Variants in CTNNA2 observed in about 807,000 individuals in gnomAD.
CTNNA2 encodes the protein catenin alpha 2, also known as catenin alpha-2.
A neutral mutation model predicts 101.0 loss-of-function variants in CTNNA2; 42 were observed. The ratio of observed to expected loss-of-function variants is 0.42; its 90% CI spans 0.32 to 0.54. The LOEUF is 0.54. CTNNA2 is among the 20% of genes least tolerant of loss of function. The pLI is 0.14. For synonymous variants in CTNNA2, 450 were observed against 456.4 expected, an observed-to-expected ratio of 0.99 and a Z score of 0.18; for missense variants, 871 against 1,223.1, an observed-to-expected ratio of 0.71 and a Z score of 4.29.
intron 6 of CTNNA2, among the ~76,000 whole-genome samples, chr2:79,897,081 T>G (rs757503740): frequency 2.0e-5 from 3 of 152,106 alleles, no homozygotes; most frequent in Non-Finnish European, 2.9e-5. Context: ...AAATGACATC[T>G]CAATTCAAGG....
intron 11 of CTNNA2, among the ~76,000 whole-genome samples, chr2:80,546,612 A>G (rs140251048): frequency 6.6e-6 from 1 of 152,364 alleles, no homozygotes; most frequent in African/African-American, 2.4e-5. Context: ...GAGTGAAAGA[A>G]AATAGAACTG....
intron 9 of CTNNA2, among the ~76,000 whole-genome samples, chr2:80,524,175 T>C (rs1268539560): frequency 6.6e-6 from 1 of 152,106 alleles, no homozygotes; most frequent in East Asian, 1.9e-4. Context: ...CATTGAATAT[T>C]CCTGGCTCTG....
intron 1 of CTNNA2, among the ~76,000 whole-genome samples, chr2:79,608,413 G>T (rs1041241817): frequency 2.6e-5 from 4 of 151,848 alleles, no homozygotes; most frequent in African/African-American, 9.7e-5. Flanking sequence ...CATTCTATAT[G>T]GCCAGCATTA....
intron 9 of CTNNA2, among the ~76,000 whole-genome samples, chr2:80,470,636 A>G (rs77428554): frequency 0.028 from 4,328 of 152,176 alleles, 197 homozygotes; most frequent in African/African-American, 0.099. Context: ...CCAAACATTC[A>G]TTGAATACCT....
At chr2:79,935,318 G>C (rs527579231) in intron 7 of CTNNA2, among the ~76,000 whole-genome samples, 129 of 151,104 alleles carry the variant, frequency 8.5e-4, no homozygotes, top group Admixed American at 1.3e-3. Flanking sequence ...AGACTGGTCT[G>C]CCCAGAGCCC....
chr2:80,403,413 C>T (rs1360553309), intron 8 of CTNNA2, among the ~76,000 whole-genome samples: 3 of 152,144 alleles, frequency 2.0e-5, no homozygotes, highest in South Asian at 2.1e-4. Flanking sequence ...ACTCCAGATT[C>T]GAAGACCTAT....
chr2:80,472,299 C>A (rs1322327852), intron 9 of CTNNA2, among the ~76,000 whole-genome samples: 2 of 152,108 alleles, frequency 1.3e-5, no homozygotes, highest in Non-Finnish European at 2.9e-5. Flanking sequence ...TCACAGACTG[C>A]ATGTATCTAG....
At chr2:79,570,374 A>T (rs942241651) in intron 1 of CTNNA2, among the ~76,000 whole-genome samples, 1 of 152,100 alleles carries the variant, frequency 6.6e-6, no homozygotes, top group Non-Finnish European at 1.5e-5. Flanking sequence ...TTCTTTAAAC[A>T]TTTCTGGGAT....
In CTNNA2 at chr2:79,848,534, C is replaced by T. The variant is rs559227903; in HGVS notation, c.299-9479C>T. 3.3e-5 allele frequency among the ~76,000 whole-genome samples: 5 copies of T among 152,310 alleles called. No homozygotes were observed. In the South Asian group the frequency reaches 1.0e-3, roughly 32 times the overall value. On this transcript the variant is annotated intron_variant, in intron 3 of 18. Coordinates refer to ENST00000402739, the MANE Select transcript of CTNNA2 (RefSeq NM_001282597.3). ...GCTACAACAATGTAAAATTACCCTA[C>T]ACCCTCTTCTCCCAACCCAGGAAAA...
chr2:80,147,989 G>T (rs1341938369), intron 7 of CTNNA2, among the ~76,000 whole-genome samples: 3 of 152,172 alleles, frequency 2.0e-5, no homozygotes, highest in Non-Finnish European at 2.9e-5. Flanking sequence ...GAACAAGAAT[G>T]ACATTTTAAA....
intron 2 of CTNNA2, among the ~76,000 whole-genome samples, chr2:79,291,655 G>T (rs1160390818): frequency 6.6e-6 from 1 of 152,096 alleles, no homozygotes; most frequent in African/African-American, 2.4e-5. Flanking sequence ...CCTGTCTTTT[G>T]TCCCTAATTT....
chr2:79,987,797 TTGAGA>T (rs1691871674), intron 7 of CTNNA2, among the ~76,000 whole-genome samples: 1 of 152,188 alleles, frequency 6.6e-6, no homozygotes, highest in South Asian at 2.1e-4. Flanking sequence ...TAAAAGCACT[TTGAGA>T]TAAGTACTGT....
chr2:80,625,412 A>C (rs1671580527), intron 18 of CTNNA2, among the ~76,000 whole-genome samples: 1 of 151,992 alleles, frequency 6.6e-6, no homozygotes, highest in Admixed American at 6.6e-5. Context: ...TGAAAATATT[A>C]GAATAATGAG....
intron 4 of CTNNA2, among the ~76,000 whole-genome samples, chr2:79,504,719 T>C (rs1671374415): frequency 6.6e-6 from 1 of 152,156 alleles, no homozygotes; most frequent in Admixed American, 6.5e-5. Context: ...TATCTTTCAT[T>C]ATATAAAGAG....
chr2:80,185,510 T>C (rs1352924408), intron 7 of CTNNA2, among the ~76,000 whole-genome samples: 2 of 152,206 alleles, frequency 1.3e-5, no homozygotes, highest in Admixed American at 6.5e-5. Flanking sequence ...AGAAACTCTC[T>C]GTGGCAGGTA....
chr2:80,404,568 A>G (rs185541075), intron 8 of CTNNA2, among the ~76,000 whole-genome samples: 2 of 152,308 alleles, frequency 1.3e-5, no homozygotes, highest in East Asian at 1.9e-4. Flanking sequence ...GGAGATGGGT[A>G]GGAGTTGGGG....
intron 7 of CTNNA2, among the ~76,000 whole-genome samples, chr2:80,217,396 T>G (rs1326135026): frequency 3.3e-5 from 5 of 152,186 alleles, no homozygotes; most frequent in African/African-American, 1.2e-4. Flanking sequence ...ACTCAGCAGC[T>G]GTGTAATTCT....
intron 7 of CTNNA2, among the ~76,000 whole-genome samples, chr2:80,195,903 G>A (rs539679090): frequency 3.9e-4 from 59 of 152,194 alleles, no homozygotes; most frequent in African/African-American, 1.3e-3. Flanking sequence ...ATTGGGAACC[G>A]CAGGTCACAA....
chr2:80,405,119 A>G (rs1415627423), intron 8 of CTNNA2, among the ~76,000 whole-genome samples: 1 of 152,172 alleles, frequency 6.6e-6, no homozygotes, highest in Non-Finnish European at 1.5e-5. Flanking sequence ...CATCTTGATC[A>G]TCTGATCTAT....
Sources: allele counts gnomAD v4.1 joint callset (sites outside exome capture counted in the v4.1 genomes callset), GRCh38; gene constraint gnomAD v4.1.1; transcripts MANE v1.5; gene names NCBI Gene and HGNC (gene_info 2026-07-23, HGNC 2026-07-21).